Variants in XRCC4 observed in about 807,000 individuals in gnomAD.
XRCC4 encodes DNA repair protein XRCC4.
A neutral mutation model predicts 39.1 loss-of-function variants in XRCC4; 28 were observed. The observed-to-expected ratio is 0.72, with a 90% CI of 0.53 to 0.98. The LOEUF is 0.98. XRCC4 is among the 50% of genes least tolerant of loss of function. XRCC4 has a pLI of 0.00. For synonymous variants in XRCC4, 123 were observed against 126.4 expected (o/e 0.97, Z 0.18); for missense variants, 350 against 376.4 (o/e 0.93, Z 0.58).
chr5:83,355,775 T>TA (rs772600778), downstream of XRCC4, among the ~76,000 whole-genome samples: 86 of 152,160 alleles, frequency 5.7e-4, no homozygotes, highest in Admixed American at 4.6e-4. Context: ...AGGTAGTTTT[T>TA]ACAGGCATGT....
At chr5:83,302,152 G>A (rs140685752) in intron 7 of XRCC4, among the ~76,000 whole-genome samples, 4 of 152,206 alleles carry the variant, frequency 2.6e-5, no homozygotes, top group Non-Finnish European at 4.4e-5. Flanking sequence ...GGTTCCGTGC[G>A]GGTGGGATCC....
chr5:83,161,261 C>G (rs1749196916), intron 3 of XRCC4, among the ~76,000 whole-genome samples: 1 of 152,080 alleles, frequency 6.6e-6, no homozygotes, highest in Admixed American at 6.6e-5. Flanking sequence ...TGGGCACCCA[C>G]CACCACACTT....
chr5:83,269,668 A>G (rs1036557890), intron 7 of XRCC4, among the ~76,000 whole-genome samples: 1 of 152,168 alleles, frequency 6.6e-6, no homozygotes, highest in African/African-American at 2.4e-5. Flanking sequence ...AACACATAGT[A>G]GATATTCAAT....
intron 7 of XRCC4, among the ~76,000 whole-genome samples, chr5:83,337,552 A>C (rs922310037): frequency 6.6e-6 from 1 of 152,152 alleles, no homozygotes; most frequent in African/African-American, 2.4e-5. Flanking sequence ...GAGGCCTTCC[A>C]ACCCATCCAC....
At chr5:83,192,227 ATATG>A (rs1308792071) in intron 3 of XRCC4, among the ~76,000 whole-genome samples, 2 of 128,506 alleles carry the variant, frequency 1.6e-5, no homozygotes, top group Non-Finnish European at 3.6e-5. Context: ...GTATATGCAT[ATATG>A]TATGTATATG....
chr5:83,233,902 CAAA>C (rs10629125), intron 6 of XRCC4, among the ~76,000 whole-genome samples: 5 of 78,004 alleles, frequency 6.4e-5, no homozygotes, highest in Admixed American at 3.3e-4. Flanking sequence ...GACTTCATCT[CAAA>C]AAAAAAAAAA....
chr5:83,144,390 A>G (rs1234056562), intron 3 of XRCC4, among the ~76,000 whole-genome samples: 6 of 151,360 alleles, frequency 4.0e-5, no homozygotes, highest in Non-Finnish European at 7.4e-5. Context: ...TGTCAGGGTG[A>G]GTCTTCCCAA....
At chr5:83,259,291 C>T (rs1753667222) in intron 7 of XRCC4, 1 of 152,324 alleles carries the variant, frequency 6.6e-6, no homozygotes, top group Non-Finnish European at 1.5e-5. Context: ...ATGTTCAAAT[C>T]ATTTGTATCT....
chr5:83,093,461 G>A (rs978700042), intron 1 of XRCC4, among the ~76,000 whole-genome samples: 19 of 151,946 alleles, frequency 1.3e-4, no homozygotes, highest in Non-Finnish European at 2.1e-4. Flanking sequence ...GAAATGAACC[G>A]TAACAGACAT....
chr5:83,096,210 T>C (rs1745669064), intron 1 of XRCC4, among the ~76,000 whole-genome samples: 1 of 151,868 alleles, frequency 6.6e-6, no homozygotes, highest in African/African-American at 2.4e-5. Context: ...AAGGTCCCCC[T>C]TGGGATCTGC....
chr5:83,345,687 A>G (rs935093413), intron 7 of XRCC4, among the ~76,000 whole-genome samples: 1 of 152,302 alleles, frequency 6.6e-6, no homozygotes, highest in African/African-American at 2.4e-5. Flanking sequence ...TCTCGTTTGA[A>G]TAGGAAGCGA....
chr5:83,114,349 G>A (rs1346507667), intron 3 of XRCC4, among the ~76,000 whole-genome samples: 2 of 151,932 alleles, frequency 1.3e-5, no homozygotes, highest in Non-Finnish European at 2.9e-5. Flanking sequence ...CTTTTTTATT[G>A]CATCGTCAGG....
chr5:83,187,723 A>G (rs1469658004), intron 3 of XRCC4, among the ~76,000 whole-genome samples: 2 of 152,208 alleles, frequency 1.3e-5, no homozygotes, highest in African/African-American at 4.8e-5. Flanking sequence ...TGATAAAAAG[A>G]ATGAGATGAT....
At chr5:83,251,654 T>G (rs574154063) in intron 6 of XRCC4, among the ~76,000 whole-genome samples, 3 of 152,304 alleles carry the variant, frequency 2.0e-5, no homozygotes, top group South Asian at 4.1e-4. Flanking sequence ...TTATCCTTAA[T>G]AGCCCACTCT....
intron 3 of XRCC4, among the ~76,000 whole-genome samples, chr5:83,145,160 G>C (rs1244708225): frequency 6.6e-6 from 1 of 152,176 alleles, no homozygotes; most frequent in Non-Finnish European, 1.5e-5. Context: ...CTCCCACAGT[G>C]CTGGGCTTAC....
chr5:83,295,259 C>G (rs555235424), intron 7 of XRCC4, among the ~76,000 whole-genome samples: 18 of 151,830 alleles, frequency 1.2e-4, no homozygotes, highest in Non-Finnish European at 2.5e-4. Flanking sequence ...AACATGTTTT[C>G]TGAAACACTG....
At chr5:83,242,547 G>T (rs1283997898) in intron 6 of XRCC4, among the ~76,000 whole-genome samples, 4 of 152,196 alleles carry the variant, frequency 2.6e-5, no homozygotes, top group Non-Finnish European at 5.9e-5. Context: ...CTGGGCTCAA[G>T]TGATCCTCCT....
intron 3 of XRCC4, among the ~76,000 whole-genome samples, chr5:83,146,577 T>C (rs916830704): frequency 2.6e-5 from 4 of 152,214 alleles, no homozygotes; most frequent in Non-Finnish European, 4.4e-5. Flanking sequence ...TTATTCATTT[T>C]TGTGTGGTGA....
At chr5:83,095,242 T>C (rs112922104) in intron 1 of XRCC4, among the ~76,000 whole-genome samples, 14 of 152,268 alleles carry the variant, frequency 9.2e-5, no homozygotes, top group African/African-American at 2.6e-4. Flanking sequence ...AGGACCACCG[T>C]CTGAGCTCTG....
Sources: gnomAD v4.1 joint callset for allele counts (sites outside exome capture counted in the v4.1 genomes callset) on GRCh38, gnomAD v4.1.1 for gene constraint, MANE v1.5 for transcripts, NCBI Gene and HGNC (gene_info 2026-07-23, HGNC 2026-07-21) for gene names.